Variants in GRM5 observed in about 807,000 individuals in gnomAD.
The protein encoded by GRM5 is metabotropic glutamate receptor 5.
A neutral mutation model predicts 83.1 loss-of-function variants in GRM5; 19 were observed. That is an observed-to-expected ratio of 0.23 (90% CI 0.16 to 0.34). The LOEUF (loss-of-function observed/expected upper bound fraction) is 0.34. GRM5 is among the 10% of genes least tolerant of loss of function. The pLI is 1.00. For missense variants in GRM5, 1,160 were observed against 1,588.3 expected, an observed-to-expected ratio of 0.73 and a Z score of 4.58; for synonymous variants, 675 against 633.6, an observed-to-expected ratio of 1.07 and a Z score of -0.98.
chr11:88,802,472 A>G (rs556244744), intron 3 of GRM5, among the ~76,000 whole-genome samples: 1 of 109,892 alleles, frequency 9.1e-6, no homozygotes, highest in East Asian at 4.4e-4. Context: ...AAGGCGTTTG[A>G]CAAAATTCAA....
At position 88,783,345 on chromosome 11, in the gene GRM5, C is replaced by A. The variant is rs142474042; in HGVS notation, c.911+66561G>T. 2.0e-3 allele frequency among the ~76,000 whole-genome samples: 302 copies of A among 152,170 alleles called. 1 individual carries two copies. The highest frequency in any genetic ancestry group is 6.8e-3 in the African/African-American group (283 of 41,548). ...GGGTATCTTCCTCACTGTCCATATA[C>A]ATTATCATTGAACTTCTGTGAAATA... On this transcript the variant is annotated intron_variant, in intron 3 of 9. Coordinates refer to ENST00000305447, the MANE Select transcript of GRM5 (RefSeq NM_001143831.3).
intron 2 of GRM5, among the ~76,000 whole-genome samples, chr11:89,010,522 A>G (rs1940664650): frequency 1.3e-5 from 2 of 152,124 alleles, no homozygotes; most frequent in African/African-American, 4.8e-5. Context: ...CTTAGCCTAG[A>G]ATTCATGCAA....
chr11:88,549,684 A>C (rs1262225949), intron 8 of GRM5, among the ~76,000 whole-genome samples: 1 of 151,910 alleles, frequency 6.6e-6, no homozygotes, highest in Non-Finnish European at 1.5e-5. Flanking sequence ...TGGGGGCTCT[A>C]GGGGCTTGAT....
At chr11:89,050,480 T>C (rs761137221) in intron 1 of GRM5, among the ~76,000 whole-genome samples, 9 of 152,154 alleles carry the variant, frequency 5.9e-5, no homozygotes, top group Non-Finnish European at 8.8e-5. Flanking sequence ...ACCTGGTGAA[T>C]ACAAAGAAAA....
chr11:88,770,901 T>A (rs1222556251), intron 3 of GRM5, among the ~76,000 whole-genome samples: 1 of 152,114 alleles, frequency 6.6e-6, no homozygotes, highest in Non-Finnish European at 1.5e-5. Context: ...AGCGTCAGAA[T>A]GGATTCCTGG....
At chr11:88,723,511 A>G (rs1163968855) in intron 3 of GRM5, among the ~76,000 whole-genome samples, 1 of 152,090 alleles carries the variant, frequency 6.6e-6, no homozygotes, top group Non-Finnish European at 1.5e-5. Context: ...GCAATCAATA[A>G]GACTTCCTGT....
chr11:88,690,197 A>G (rs1205191602), intron 3 of GRM5, among the ~76,000 whole-genome samples: 1 of 151,830 alleles, frequency 6.6e-6, no homozygotes, highest in South Asian at 2.1e-4. Context: ...CAGTTTTATT[A>G]TTTTCTGCTT....
chr11:88,960,350 G>T (rs575156226), intron 2 of GRM5, among the ~76,000 whole-genome samples: 28 of 152,074 alleles, frequency 1.8e-4, no homozygotes, highest in Non-Finnish European at 3.7e-4. Context: ...ATATAAGCTT[G>T]TGTCATCCTC....
intron 3 of GRM5, among the ~76,000 whole-genome samples, chr11:88,740,572 G>A (rs1942005965): frequency 6.6e-6 from 1 of 152,024 alleles, no homozygotes; most frequent in Non-Finnish European, 1.5e-5. Flanking sequence ...TGAGACACAG[G>A]AGAATTAGGT....
intron 3 of GRM5, among the ~76,000 whole-genome samples, chr11:88,794,619 T>C (rs1943240182): frequency 6.6e-6 from 1 of 152,200 alleles, no homozygotes; most frequent in African/African-American, 2.4e-5. Flanking sequence ...TCCATGGGCA[T>C]GGATGTGAGG....
In GRM5 at chr11:88,928,025, C is replaced by T. The variant is rs368349395; in HGVS notation, c.662-77870G>A. ...AACATAGAAATTAAGGTGGTAGCTT[C>T]GGCAGGTGTTATTACCAGGGGCTCA... On this transcript the variant is annotated intron_variant, in intron 2 of 9. Transcript: ENST00000305447. Among the ~76,000 whole-genome samples, 141 of 152,076 alleles carry T rather than the reference C, an allele frequency of 9.3e-4. 1 individual carries two copies. The highest frequency in any genetic ancestry group is 2.9e-3 in the African/African-American group (119 of 41,514).
At chr11:88,652,402 C>T (rs1198343099) in intron 4 of GRM5, among the ~76,000 whole-genome samples, 1 of 151,956 alleles carries the variant, frequency 6.6e-6, no homozygotes, top group African/African-American at 2.4e-5. Context: ...TTATTAGAAT[C>T]AAGATTCTTT....
At chr11:88,616,209 A>T (rs1938475738) in intron 4 of GRM5, among the ~76,000 whole-genome samples, 1 of 152,152 alleles carries the variant, frequency 6.6e-6, no homozygotes, top group African/African-American at 2.4e-5. Context: ...TAATAATATG[A>T]TTTCTTCACA....
chr11:89,036,985 T>C (rs1172411489), intron 2 of GRM5, among the ~76,000 whole-genome samples: 1 of 152,104 alleles, frequency 6.6e-6, no homozygotes, highest in Non-Finnish European at 1.5e-5. Context: ...CAAATGAAAT[T>C]ATTCATATAA....
chr11:88,634,898 A>G (rs1390166312), intron 4 of GRM5, among the ~76,000 whole-genome samples: 4 of 152,324 alleles, frequency 2.6e-5, no homozygotes, highest in Admixed American at 1.3e-4. Context: ...CTAGGCAACA[A>G]TAATTTTTCA....
At chr11:88,804,886 G>C (rs1044489876) in intron 3 of GRM5, among the ~76,000 whole-genome samples, 11 of 152,058 alleles carry the variant, frequency 7.2e-5, no homozygotes, top group African/African-American at 2.2e-4. Flanking sequence ...ACCTTATTAG[G>C]TGATAGTTAC....
At chr11:88,928,544 T>G (rs1195697175) in intron 2 of GRM5, among the ~76,000 whole-genome samples, 3 of 151,386 alleles carry the variant, frequency 2.0e-5, no homozygotes, top group Non-Finnish European at 4.4e-5. Flanking sequence ...GTTACTGTGA[T>G]TTACAAGAAC....
At chr11:88,608,665 C>T (rs1312752044) in intron 4 of GRM5, among the ~76,000 whole-genome samples, 5 of 151,760 alleles carry the variant, frequency 3.3e-5, no homozygotes, top group Admixed American at 3.3e-4. Flanking sequence ...ACTACAGGAA[C>T]CTGCCACCAT....
chr11:88,513,220 C>A (rs1420376207), intron 9 of GRM5, among the ~76,000 whole-genome samples: 2 of 152,160 alleles, frequency 1.3e-5, no homozygotes, highest in Non-Finnish European at 2.9e-5. Flanking sequence ...GTCTATCTCA[C>A]CTGCTTGATG....
Sources: allele counts gnomAD v4.1 joint callset (sites outside exome capture counted in the v4.1 genomes callset), GRCh38; gene constraint gnomAD v4.1.1; transcripts MANE v1.5; gene names NCBI Gene and HGNC (gene_info 2026-07-23, HGNC 2026-07-21).